Variants in CNTNAP2 observed in about 807,000 individuals in gnomAD.
CNTNAP2 encodes contactin associated protein 2.
Under a neutral mutation model 155.2 loss-of-function variants are expected in CNTNAP2, and 98 were observed. That is an observed-to-expected ratio of 0.63 (90% CI 0.54 to 0.75). CNTNAP2 has a LOEUF of 0.75. Ranked by LOEUF, CNTNAP2 falls within the 30% of genes least tolerant of loss-of-function variation. The pLI is 0.00. For synonymous variants in CNTNAP2, 651 were observed against 631.2 expected (o/e 1.03, Z -0.47); for missense variants, 1,727 against 1,688.1 (o/e 1.02, Z -0.40).
At chr7:147,379,934 C>CA (rs1346251039) in intron 9 of CNTNAP2, among the ~76,000 whole-genome samples, 227 of 152,072 alleles carry the variant, frequency 1.5e-3, no homozygotes, top group African/African-American at 5.3e-3. Context: ...TCTTGATACC[C>CA]AAAAGCTTCT....
chr7:146,950,526 T>C (rs1157054303), intron 3 of CNTNAP2, among the ~76,000 whole-genome samples: 2 of 152,152 alleles, frequency 1.3e-5, no homozygotes, highest in South Asian at 2.1e-4. Context: ...TTACCACTTA[T>C]GAGTGAGAAT....
intron 13 of CNTNAP2, among the ~76,000 whole-genome samples, chr7:147,836,449 C>T (rs548947922): frequency 4.6e-5 from 7 of 152,156 alleles, no homozygotes; most frequent in African/African-American, 1.4e-4. Context: ...GGCTGGCACA[C>T]TCCTCCCCCA....
intron 1 of CNTNAP2, among the ~76,000 whole-genome samples, chr7:146,145,244 C>T (rs957135725): frequency 2.6e-5 from 4 of 152,168 alleles, no homozygotes; most frequent in Non-Finnish European, 5.9e-5. Flanking sequence ...GGGCCGAAAG[C>T]GTGACCAGCT....
At chr7:146,265,445 TTTTC>T (rs1043324382) in intron 1 of CNTNAP2, among the ~76,000 whole-genome samples, 13 of 142,508 alleles carry the variant, frequency 9.1e-5, no homozygotes, top group Non-Finnish European at 1.9e-4. Context: ...TTTTCTTTTT[TTTTC>T]TTTCTTTCTT....
At chr7:147,333,689 G>A (rs368424755) in intron 9 of CNTNAP2, among the ~76,000 whole-genome samples, 7 of 152,066 alleles carry the variant, frequency 4.6e-5, no homozygotes, top group African/African-American at 1.4e-4. Flanking sequence ...CAAAACAATT[G>A]GTTAATAGAT....
intron 1 of CNTNAP2, among the ~76,000 whole-genome samples, chr7:146,708,302 T>A (rs61605680): frequency 0.097 from 14,681 of 152,018 alleles, 1,923 homozygotes; most frequent in African/African-American, 0.3. Context: ...CAATGATACA[T>A]GTTTAACAAA....
intron 11 of CNTNAP2, among the ~76,000 whole-genome samples, chr7:147,509,847 C>T (rs1472267775): frequency 2.0e-5 from 3 of 152,036 alleles, no homozygotes; most frequent in Non-Finnish European, 2.9e-5. Flanking sequence ...TTCCTGGGTA[C>T]TTCTGGGAAT....
chr7:146,714,672 A>T (rs1292991779), intron 1 of CNTNAP2, among the ~76,000 whole-genome samples: 1 of 152,250 alleles, frequency 6.6e-6, no homozygotes, highest in African/African-American at 2.4e-5. Flanking sequence ...AAGATAACTA[A>T]TTGGAAATCA....
Position 147,724,007 on chromosome 7 carries a change from C to T in CNTNAP2, c.2098+84701C>T, listed in dbSNP as rs139030038. 6.9e-3 allele frequency among the ~76,000 whole-genome samples: 1,055 copies of T among 151,974 alleles called. 9 individuals carry two copies. Among genetic ancestry groups the T allele is most frequent in the African/African-American group, 0.024 (1,009 of 41,496 alleles). On this transcript the variant is annotated intron_variant, in intron 13 of 23. Coordinates refer to ENST00000361727, the MANE Select transcript of CNTNAP2 (RefSeq NM_014141.6). ...AGTGTATTTTTTCTCATTTCATCTACTGCTTGTCCTACACTTTCATTTCTT... is the reference window on the plus strand; with the variant it reads ...AGTGTATTTTTTCTCATTTCATCTATTGCTTGTCCTACACTTTCATTTCTT...
chr7:147,926,776 A>C (rs946722979), intron 14 of CNTNAP2, among the ~76,000 whole-genome samples: 1 of 152,206 alleles, frequency 6.6e-6, no homozygotes, highest in African/African-American at 2.4e-5. Context: ...CTACATGAAA[A>C]AAACAAAGAG....
intron 10 of CNTNAP2, among the ~76,000 whole-genome samples, chr7:147,468,499 T>G (rs1297844978): frequency 6.6e-6 from 1 of 152,242 alleles, no homozygotes; most frequent in Non-Finnish European, 1.5e-5. Flanking sequence ...ACGGGACTTA[T>G]GTTAAATATT....
At chr7:146,868,449 G>A (rs539788890) in intron 3 of CNTNAP2, among the ~76,000 whole-genome samples, 11 of 152,200 alleles carry the variant, frequency 7.2e-5, no homozygotes, top group African/African-American at 2.4e-4. Flanking sequence ...GTTGGGCAAC[G>A]TGAGGCCTCC....
chr7:147,229,508 A>G (rs1584806298), intron 8 of CNTNAP2, among the ~76,000 whole-genome samples: 1 of 152,238 alleles, frequency 6.6e-6, no homozygotes, highest in Admixed American at 6.5e-5. Flanking sequence ...TAAGTTACAC[A>G]GTGTTTCCAG....
chr7:147,865,471 T>C (rs1478112808), intron 13 of CNTNAP2, among the ~76,000 whole-genome samples: 1 of 152,198 alleles, frequency 6.6e-6, no homozygotes, highest in African/African-American at 2.4e-5. Flanking sequence ...TCCTTCTTTT[T>C]CTATTGATTG....
chr7:146,127,492 A>G (rs1045902889), intron 1 of CNTNAP2, among the ~76,000 whole-genome samples: 2 of 152,234 alleles, frequency 1.3e-5, no homozygotes, highest in East Asian at 3.8e-4. Context: ...AATAAACCAC[A>G]AATATTTTCC....
chr7:146,270,723 A>C (rs1287357674), intron 1 of CNTNAP2, among the ~76,000 whole-genome samples: 2 of 152,180 alleles, frequency 1.3e-5, no homozygotes, highest in Non-Finnish European at 2.9e-5. Context: ...TCTCTTAAAA[A>C]AGCACATCAG....
At chr7:148,091,706 A>G (rs1803844585) in intron 15 of CNTNAP2, among the ~76,000 whole-genome samples, 1 of 152,186 alleles carries the variant, frequency 6.6e-6, no homozygotes, top group Non-Finnish European at 1.5e-5. Context: ...AATACATACC[A>G]TTTATCAGCA....
intron 13 of CNTNAP2, among the ~76,000 whole-genome samples, chr7:147,759,029 A>G (rs534122049): frequency 6.6e-6 from 1 of 152,074 alleles, no homozygotes; most frequent in African/African-American, 2.4e-5. Flanking sequence ...TACCTTATTT[A>G]TTGTTTTCTA....
intron 11 of CNTNAP2, among the ~76,000 whole-genome samples, chr7:147,515,920 G>T (rs1295606468): frequency 6.6e-6 from 1 of 152,134 alleles, no homozygotes; most frequent in Non-Finnish European, 1.5e-5. Flanking sequence ...AATATTGAGT[G>T]CTTACATTAA....
Sources: gnomAD v4.1 joint callset for allele counts (sites outside exome capture counted in the v4.1 genomes callset) on GRCh38, gnomAD v4.1.1 for gene constraint, MANE v1.5 for transcripts, NCBI Gene and HGNC (gene_info 2026-07-23, HGNC 2026-07-21) for gene names.